MTOR: variants seen among roughly 807,000 people sequenced by gnomAD.
MTOR encodes serine/threonine-protein kinase mTOR.
In MTOR, 70 loss-of-function variants were observed where a neutral mutation model predicts 319.8. The ratio of observed to expected loss-of-function variants is 0.22; its 90% CI spans 0.18 to 0.27. The LOEUF is 0.27. Ranked by LOEUF, MTOR falls within the 10% of genes least tolerant of loss-of-function variation. The pLI is 1.00. For synonymous variants in MTOR, 1,183 were observed against 1,211.4 expected, an observed-to-expected ratio of 0.98 and a Z score of 0.49; for missense variants, 1,890 against 3,274.4, an observed-to-expected ratio of 0.58 and a Z score of 10.32.
intron 1 of MTOR, among the ~76,000 whole-genome samples, chr1:11,261,309 C>CAA (rs1161523469): frequency 6.7e-4 from 82 of 121,516 alleles, no homozygotes; most frequent in African/African-American, 2.3e-3. Flanking sequence ...ACTAAAAATA[C>CAA]AAAAAAAAAA....
intron 28 of MTOR, among the ~76,000 whole-genome samples, chr1:11,177,457 C>T (rs1308874452): frequency 6.6e-6 from 1 of 152,104 alleles, no homozygotes. Context: ...ATTTGGGAGA[C>T]TAAGGCGGGA....
rs780930764 is a variant in MTOR at position 11,157,182 on chromosome 1, C to T, written c.4439G>A (p.Arg1480His). 11 of 1,611,694 alleles carry T rather than the reference C, an allele frequency of 6.8e-6. No homozygotes were observed. Among genetic ancestry groups the T allele is most frequent in the Middle Eastern group, 1.6e-4 (1 of 6,076 alleles). Reference sequence around the variant, plus strand: ...CCCCAAGGCCTCGAGGCAGCGCATGCGGCCCAGCATCAGCTCTGGGTCGTC... The same window carrying T: ...CCCCAAGGCCTCGAGGCAGCGCATGTGGCCCAGCATCAGCTCTGGGTCGTC... ...NKDDPELMLG[R>H]MRCLEALGEW... The change falls in exon 30 of 58, where the codon CGC becomes CAC. Residue 1480 changes from arginine (R) to histidine (H), a missense_variant. Physicochemically the swap from Arg to His is conservative, Grantham distance 29. Transcript: ENST00000361445.
chr1:11,154,168 AAACAAC>A (rs374971011), intron 30 of MTOR, among the ~76,000 whole-genome samples: 215 of 149,114 alleles, frequency 1.4e-3, no homozygotes, highest in African/African-American at 4.0e-3. Context: ...GGACTGAGAA[AAACAAC>A]AACAACAACA....
In MTOR at chr1:11,150,107, C is replaced by A; in HGVS notation, c.4570+19G>T. 1 of 1,608,540 alleles carries A rather than the reference C, an allele frequency of 6.2e-7. No homozygotes were observed. The highest frequency in any genetic ancestry group is 8.5e-7 in the Non-Finnish European group (1 of 1,175,716). ...CACTCACCCCATCCTTCACAGGGTG[C>A]CTGTGAGGGAAGCTTTACCTAAACC... On this transcript the variant is annotated intron_variant, in intron 31 of 57. Transcript: ENST00000361445.
intron 49 of MTOR, among the ~76,000 whole-genome samples, chr1:11,120,666 A>G (rs1457519710): frequency 6.6e-6 from 1 of 152,168 alleles, no homozygotes; most frequent in East Asian, 1.9e-4. Flanking sequence ...ACAACTTTTT[A>G]ATAAAATGGC....
intron 8 of MTOR, among the ~76,000 whole-genome samples, chr1:11,244,769 T>C (rs1648601483): frequency 6.6e-6 from 1 of 152,182 alleles, no homozygotes; most frequent in Non-Finnish European, 1.5e-5. Flanking sequence ...TTTCTATGTC[T>C]ATGTTTAGAT....
intron 26 of MTOR, among the ~76,000 whole-genome samples, chr1:11,202,216 T>C (rs1022923262): frequency 6.6e-6 from 1 of 152,004 alleles, no homozygotes; most frequent in East Asian, 1.9e-4. Context: ...GATTGCGAGG[T>C]CAGGAGATCG....
intron 26 of MTOR, among the ~76,000 whole-genome samples, chr1:11,204,268 T>C (rs973887699): frequency 2.6e-5 from 4 of 152,222 alleles, no homozygotes; most frequent in Non-Finnish European, 4.4e-5. Context: ...ACCATTGTTA[T>C]TGGAAATAGG....
chr1:11,247,818 C>T lies in MTOR; in HGVS notation c.1116+1G>A, dbSNP rs2100939622. On this transcript the variant is annotated splice_donor_variant, in intron 7 of 57. Coordinates refer to ENST00000361445, the MANE Select transcript of MTOR (RefSeq NM_004958.4). LOFTEE classifies it high-confidence loss of function. ...GAGGGAAAGGGCCTCTCACCACTTACCTGATCAAATTTCTCCTCCATCAAG... is the reference window on the plus strand; with the variant it reads ...GAGGGAAAGGGCCTCTCACCACTTATCTGATCAAATTTCTCCTCCATCAAG... 1 of 1,612,902 alleles carries T rather than the reference C, an allele frequency of 6.2e-7. No homozygotes were observed.
At chr1:11,241,798 T>TTTTTA in intron 9 of MTOR, 117 bp from the exon 10 acceptor site, 1 of 1,165,998 alleles carries the variant, frequency 8.6e-7, no homozygotes, top group South Asian at 1.4e-5. Flanking sequence ...CACAGATGGG[T>TTTTTA]ATGCAAATTG....
chr1:11,206,534 A>G (rs1018730190), intron 25 of MTOR, among the ~76,000 whole-genome samples: 5 of 152,246 alleles, frequency 3.3e-5, no homozygotes, highest in Admixed American at 3.3e-4. Context: ...GAGTTAATAT[A>G]GTGTTCCACC....
intron 19 of MTOR, among the ~76,000 whole-genome samples, chr1:11,218,001 C>T (rs1051862743): frequency 3.3e-5 from 5 of 152,250 alleles, no homozygotes; most frequent in Non-Finnish European, 7.4e-5. Flanking sequence ...TGATTACAGC[C>T]TGGTCCCCAT....
In MTOR at chr1:11,232,902, TA is replaced by T. The variant is rs1326116846; in HGVS notation, c.2422-375del. The T allele has an allele frequency of 1.7e-5, 10 of 601,414 alleles. No individual in the cohort carries two copies. The East Asian group carries it at 2.2e-4, about 13-fold the overall frequency. 37.3% of individuals were successfully genotyped at this position (601,414 alleles called of 1,614,324 possible). A position where few individuals can be genotyped will look rare whatever the true frequency, so the allele number is the denominator to read the frequency against. On this transcript the variant is annotated intron_variant, in intron 15 of 57. Coordinates refer to ENST00000361445, the MANE Select transcript of MTOR (RefSeq NM_004958.4). ...AATAAATAAAATAAAAAATTTTTTT[TA>T]AAAAAGCCCTCTCTTCCTTTCTCCA...
In MTOR at chr1:11,203,712, T is replaced by C. The variant is rs111752294; in HGVS notation, c.3944+849A>G. Reference sequence around the variant, plus strand: ...TCTGGCAAATTCTATTTTCCAAAGATGTCTGCAACAGTGGCTCCTGTCCCA... The same window carrying C: ...TCTGGCAAATTCTATTTTCCAAAGACGTCTGCAACAGTGGCTCCTGTCCCA... On this transcript the variant is annotated intron_variant, in intron 26 of 57. Transcript: ENST00000361445. Among the ~76,000 whole-genome samples, 1,148 of 152,284 alleles carry C rather than the reference T, an allele frequency of 7.5e-3. 23 individuals carry two copies. The highest frequency in any genetic ancestry group is 0.027 in the African/African-American group (1,114 of 41,528).
intron 13 of MTOR, 67 bp from the exon 14 acceptor site, chr1:11,234,332 C>A: frequency 1.3e-6 from 2 of 1,521,256 alleles, no homozygotes; most frequent in South Asian, 1.3e-5. Context: ...CTGTGTCCAA[C>A]AGAAAAAGTG....
At chr1:11,116,012 A>G (rs983222854) in intron 50 of MTOR, among the ~76,000 whole-genome samples, 1 of 152,222 alleles carries the variant, frequency 6.6e-6, no homozygotes, top group African/African-American at 2.4e-5. Context: ...AGACTTTTAA[A>G]AACAAAAATC....
chr1:11,180,410 T>C (rs960885402), intron 28 of MTOR, among the ~76,000 whole-genome samples: 2 of 152,206 alleles, frequency 1.3e-5, no homozygotes, highest in African/African-American at 2.4e-5. Flanking sequence ...TGGGTTTTGT[T>C]TGCCCATTTA....
intron 31 of MTOR, among the ~76,000 whole-genome samples, chr1:11,149,777 C>T (rs1375183135): frequency 1.3e-5 from 2 of 152,138 alleles, no homozygotes; most frequent in East Asian, 3.8e-4. Flanking sequence ...TGACACCCCA[C>T]TGGTGTCTGC....
chr1:11,234,106 C>A, intron 14 of MTOR, 37 bp downstream of exon 14: 1 of 1,613,760 alleles, frequency 6.2e-7, no homozygotes, highest in Non-Finnish European at 8.5e-7. Flanking sequence ...CTGATGACAA[C>A]GCACAGAGAA....
Sources: allele counts gnomAD v4.1 joint callset (sites outside exome capture counted in the v4.1 genomes callset), GRCh38; gene constraint gnomAD v4.1.1; transcripts MANE v1.5; gene names NCBI Gene and HGNC (gene_info 2026-07-23, HGNC 2026-07-21).